PTK2B: variants seen among roughly 807,000 people sequenced by gnomAD.
PTK2B encodes protein-tyrosine kinase 2-beta.
PTK2B carries 71 observed loss-of-function variants against 142.9 expected under a neutral mutation model. That is an observed-to-expected ratio of 0.50 (90% CI 0.41 to 0.61). The LOEUF (loss-of-function observed/expected upper bound fraction) is 0.61. Ranked by LOEUF, PTK2B falls within the 20% of genes least tolerant of loss-of-function variation. PTK2B has a pLI of 0.00. For synonymous variants in PTK2B, 519 were observed against 503.4 expected (o/e 1.03, Z -0.42); for missense variants, 1,105 against 1,320.4 (o/e 0.84, Z 2.53).
chr8:27,444,302 A>G, intron 23 of PTK2B, 31 bp downstream of exon 23: 1 of 1,588,698 alleles, frequency 6.3e-7, no homozygotes. Flanking sequence ...CGGGAACTTC[A>G]GGTCTACCTC....
chr8:27,442,455 T>A (rs1811210636), intron 21 of PTK2B, among the ~76,000 whole-genome samples: 3 of 147,896 alleles, frequency 2.0e-5, no homozygotes, highest in Admixed American at 2.0e-4. Flanking sequence ...CGTTGGGGGA[T>A]GTTTCATGAG....
chr8:27,383,865 TGA>T (rs1807181887), intron 1 of PTK2B, among the ~76,000 whole-genome samples: 2 of 149,850 alleles, frequency 1.3e-5, no homozygotes, highest in African/African-American at 4.9e-5. Flanking sequence ...TTTTTTTTTT[TGA>T]GACAGAGTTT....
At chr8:27,419,242 TCTTGTGTC>T (rs544513100) in intron 2 of PTK2B, among the ~76,000 whole-genome samples, 92 of 152,314 alleles carry the variant, frequency 6.0e-4, no homozygotes, top group African/African-American at 2.1e-3. Context: ...AGCACTCATT[TCTTGTGTC>T]CTTGCTCATG....
chr8:27,446,583 G>T (rs1811486681), intron 24 of PTK2B, among the ~76,000 whole-genome samples: 1 of 152,134 alleles, frequency 6.6e-6, no homozygotes, highest in African/African-American at 2.4e-5. Context: ...GATGCCCACT[G>T]GTCACCAACC....
intron 2 of PTK2B, among the ~76,000 whole-genome samples, chr8:27,417,936 A>G (rs887213807): frequency 7.9e-5 from 12 of 152,144 alleles, no homozygotes; most frequent in African/African-American, 2.7e-4. Context: ...CAGTGGACAG[A>G]GCAGGGCAGA....
chr8:27,431,450 A>C lies in PTK2B; in HGVS notation c.863A>C (p.Gln288Pro). 6.2e-7 allele frequency: 1 copy of C among 1,614,198 alleles called. No homozygotes were observed. The highest frequency in any genetic ancestry group is 1.1e-5 in the South Asian group (1 of 91,086). Reference sequence around the variant, plus strand: ...GTCATTGGCCCTAAAGGGATCCGCCAGCTGACTAGTCAGGACGCAAAGGTA... The same window carrying C: ...GTCATTGGCCCTAAAGGGATCCGCCCGCTGACTAGTCAGGACGCAAAGGTA... The part of the protein sequence containing the change: ...DLVIGPKGIR[Q>P]LTSQDAKPTC... Residue 288 changes from glutamine (Q) to proline (P), a missense_variant, in exon 9 of 31, where the codon CAG becomes CCG. Coordinates refer to ENST00000346049, the MANE Select transcript of PTK2B (RefSeq NM_173176.3).
At chr8:27,310,742 C>G, upstream of PTK2B, 1 of 1,515,758 alleles carries the variant, frequency 6.6e-7, no homozygotes, top group East Asian at 2.3e-5. Context: ...AGCCGCAGAG[C>G]CAAGGGATTC....
chr8:27,451,446 C>G (rs773081880), intron 26 of PTK2B, 39 bp from the exon 27 acceptor site: 3 of 1,613,038 alleles, frequency 1.9e-6, no homozygotes, highest in Non-Finnish European at 2.5e-6. Context: ...TCCACAGCCG[C>G]ATGAGTGACG....
intron 1 of PTK2B, among the ~76,000 whole-genome samples, chr8:27,332,516 A>G (rs1803816846): frequency 6.6e-6 from 1 of 152,128 alleles, no homozygotes; most frequent in South Asian, 2.1e-4. Context: ...TGTTCTAGGC[A>G]CTTGTTGAAT....
At chr8:27,387,509 A>G (rs559023339) in intron 1 of PTK2B, among the ~76,000 whole-genome samples, 31 of 152,110 alleles carry the variant, frequency 2.0e-4, no homozygotes, top group South Asian at 1.5e-3. Context: ...CGTTCCCATG[A>G]CTCACTCTCT....
At chr8:27,366,776 G>A (rs1056335824) in intron 1 of PTK2B, among the ~76,000 whole-genome samples, 2 of 152,090 alleles carry the variant, frequency 1.3e-5, no homozygotes, top group Admixed American at 6.5e-5. Flanking sequence ...TCCCACTCAA[G>A]CATGTCAAGG....
chr8:27,458,237 A>G (rs935282597), intron 30 of PTK2B, 57 bp from the exon 31 acceptor site: 3 of 1,544,476 alleles, frequency 1.9e-6, no homozygotes, highest in Non-Finnish European at 2.7e-6. Context: ...TGGCTTCCCT[A>G]TCCTCCAAGC....
chr8:27,453,315 G>T (rs1212503395), intron 28 of PTK2B, among the ~76,000 whole-genome samples, 155 bp downstream of exon 28: 1 of 152,180 alleles, frequency 6.6e-6, no homozygotes, highest in Non-Finnish European at 1.5e-5. Flanking sequence ...GGGTGGCGGG[G>T]TGCCTTGCCT....
Position 27,437,397 on chromosome 8 carries a change from G to A in PTK2B, c.1428G>A (p.Val476=). The A allele has an allele frequency of 2.5e-6, 4 of 1,611,468 alleles. No individual in the cohort carries two copies. The highest frequency in any genetic ancestry group is 3.4e-6 in the Non-Finnish European group (4 of 1,178,762). ...CCCTCTTGCCCCACCACACTGCAGT[G>A]ATCATGAAGAACCTCGACCACCCGC... ...DNKEKFMSEA[V]IMKNLDHPHI... is the part of the protein sequence containing the mutation. Residue 476 remains valine, a splice_region_variant and synonymous_variant, in exon 17 of 31, where the codon GTG becomes GTA. Transcript: ENST00000346049.
intron 2 of PTK2B, among the ~76,000 whole-genome samples, chr8:27,399,499 T>C (rs1250115256): frequency 6.6e-6 from 1 of 152,216 alleles, no homozygotes; most frequent in Non-Finnish European, 1.5e-5. Context: ...CAGAGAAATT[T>C]GGAAATGGAC....
chr8:27,355,804 A>C (rs1014457801), intron 1 of PTK2B, among the ~76,000 whole-genome samples: 2 of 152,116 alleles, frequency 1.3e-5, no homozygotes, highest in African/African-American at 4.8e-5. Context: ...CCAGTGAATC[A>C]CAAGGTCAGG....
chr8:27,394,004 A>T (rs1220797181), intron 1 of PTK2B, among the ~76,000 whole-genome samples: 1 of 152,216 alleles, frequency 6.6e-6, no homozygotes, highest in African/African-American at 2.4e-5. Flanking sequence ...ATCATTAGGC[A>T]GTTGTGTGAA....
intron 6 of PTK2B, 54 bp from the exon 7 acceptor site, chr8:27,430,310 C>T (rs1810330275): frequency 1.2e-6 from 2 of 1,610,324 alleles, no homozygotes; most frequent in Non-Finnish European, 1.7e-6. Context: ...GGCCCGCAGT[C>T]CTGTGGTGGG....
chr8:27,439,140 G>A lies in PTK2B; in HGVS notation c.1744+9G>A. ...CGAGGACTATTACAAAGGTGAGGGG[G>A]CTTCCCAGCCTCTGCATTGGCCTTG... is the stretch of plus-strand genomic sequence containing the variant. On this transcript the variant is annotated intron_variant, in intron 19 of 30. Transcript: ENST00000346049. 1.2e-6 allele frequency: 2 copies of A among 1,610,432 alleles called. No individual in the cohort carries two copies. The highest frequency in any genetic ancestry group is 1.6e-4 in the Middle Eastern group (1 of 6,062).
Sources: allele counts gnomAD v4.1 joint callset (sites outside exome capture counted in the v4.1 genomes callset), GRCh38; gene constraint gnomAD v4.1.1; transcripts MANE v1.5; gene names NCBI Gene and HGNC (gene_info 2026-07-23, HGNC 2026-07-21).